Variants in ABCA13 observed in about 807,000 individuals in gnomAD.
The protein encoded by ABCA13 is ATP-binding cassette sub-family A member 13.
Under a neutral mutation model 478.7 loss-of-function variants are expected in ABCA13, and 476 were observed. That is an observed-to-expected ratio of 0.99 (90% CI 0.92 to 1.07). The LOEUF (loss-of-function observed/expected upper bound fraction) is 1.07. ABCA13 is among the 50% of genes least tolerant of loss of function. The pLI is 0.00. For synonymous variants in ABCA13, 2,252 were observed against 2,158.9 expected (o/e 1.04, Z -1.20); for missense variants, 6,060 against 5,910.6 (o/e 1.03, Z -0.83).
intron 37 of ABCA13, among the ~76,000 whole-genome samples, chr7:48,389,585 C>A (rs1212249322): frequency 1.3e-5 from 2 of 152,202 alleles, no homozygotes; most frequent in Non-Finnish European, 2.9e-5. Context: ...GCTTGCATAT[C>A]TGTAGGAAGA....
At chr7:48,328,409 T>G (rs1175276454) in intron 27 of ABCA13, among the ~76,000 whole-genome samples, 1 of 152,202 alleles carries the variant, frequency 6.6e-6, no homozygotes, top group Non-Finnish European at 1.5e-5. Flanking sequence ...ATGGAACATT[T>G]TATCAAAACT....
chr7:48,642,338 G>T lies in ABCA13; in HGVS notation c.14838-950G>T, dbSNP rs886693347. Among the ~76,000 whole-genome samples the T allele has an allele frequency of 4.6e-5, 7 of 152,160 alleles. No homozygotes were observed. In the East Asian group the frequency reaches 1.3e-3, roughly 29 times the overall value. The stretch of plus-strand genomic sequence containing the variant: ...TGTTAGGGATCAGCCTCATTTAGGG[G>T]AAATTTACTTAAGTGTAACACATTT... On this transcript the variant is annotated intron_variant, in intron 59 of 61. Transcript: ENST00000435803.
intron 20 of ABCA13, among the ~76,000 whole-genome samples, chr7:48,294,281 T>C (rs1799014675): frequency 6.6e-6 from 1 of 152,142 alleles, no homozygotes; most frequent in Non-Finnish European, 1.5e-5. Context: ...TAATACAATA[T>C]TGGCAACTAT....
chr7:48,441,133 C>T (rs550226847), intron 42 of ABCA13, among the ~76,000 whole-genome samples: 1 of 152,294 alleles, frequency 6.6e-6, no homozygotes, highest in South Asian at 2.1e-4. Flanking sequence ...TCCTATAAAA[C>T]TCCACATGAG....
At chr7:48,562,000 T>C (rs1262518729) in intron 55 of ABCA13, among the ~76,000 whole-genome samples, 1 of 151,894 alleles carries the variant, frequency 6.6e-6, no homozygotes, top group Non-Finnish European at 1.5e-5. Context: ...ACAGGCCCCG[T>C]CTCATAAGCA....
chr7:48,461,289 C>T (rs1826216274), intron 43 of ABCA13, among the ~76,000 whole-genome samples: 1 of 152,050 alleles, frequency 6.6e-6, no homozygotes, highest in Admixed American at 6.6e-5. Context: ...GTTTCCCTTC[C>T]CTTGTCTGCA....
intron 42 of ABCA13, among the ~76,000 whole-genome samples, chr7:48,428,301 C>T (rs904409252): frequency 2.0e-5 from 3 of 152,154 alleles, no homozygotes; most frequent in Non-Finnish European, 4.4e-5. Context: ...TTCATGCGAC[C>T]TCTGTCCCTT....
At chr7:48,331,108 G>C (rs750099617) in intron 27 of ABCA13, among the ~76,000 whole-genome samples, 4 of 152,106 alleles carry the variant, frequency 2.6e-5, no homozygotes, top group Non-Finnish European at 4.4e-5. Flanking sequence ...AAAAAATAAT[G>C]AATACAACAG....
chr7:48,364,374 G>T (rs1811351634), intron 31 of ABCA13, among the ~76,000 whole-genome samples: 1 of 152,100 alleles, frequency 6.6e-6, no homozygotes, highest in Non-Finnish European at 1.5e-5. Context: ...TCAAATCAGG[G>T]TAATTGAGAT....
intron 55 of ABCA13, among the ~76,000 whole-genome samples, chr7:48,579,106 C>A (rs1030667755): frequency 6.6e-6 from 1 of 152,150 alleles, no homozygotes; most frequent in Non-Finnish European, 1.5e-5. Flanking sequence ...ATATCAAAAG[C>A]ATGATCCATA....
chr7:48,514,988 A>G (rs5025818), intron 51 of ABCA13, among the ~76,000 whole-genome samples: 57,487 of 151,966 alleles, frequency 0.38, 12,494 homozygotes, highest in Middle Eastern at 0.5. Flanking sequence ...CTTATGAACT[A>G]TGAGAATGTA....
chr7:48,328,257 G>T (rs1406006503), intron 27 of ABCA13, among the ~76,000 whole-genome samples: 2 of 152,144 alleles, frequency 1.3e-5, no homozygotes, highest in Non-Finnish European at 2.9e-5. Context: ...CCTTTAGGCA[G>T]GTCAAGGTCT....
chr7:48,438,658 T>C (rs528140357), intron 42 of ABCA13, among the ~76,000 whole-genome samples: 48 of 152,056 alleles, frequency 3.2e-4, no homozygotes, highest in African/African-American at 1.1e-3. Flanking sequence ...CTGAAACTTA[T>C]CAAAATTTTA....
At chr7:48,196,219 C>T (rs1014145990) in intron 2 of ABCA13, among the ~76,000 whole-genome samples, 9 of 152,146 alleles carry the variant, frequency 5.9e-5, no homozygotes, top group Admixed American at 1.3e-4. Flanking sequence ...TCCTTATCCT[C>T]GAAGTTTCCA....
intron 1 of ABCA13, among the ~76,000 whole-genome samples, chr7:48,182,255 G>A (rs1459171446): frequency 1.3e-5 from 2 of 152,142 alleles, no homozygotes; most frequent in Non-Finnish European, 2.9e-5. Flanking sequence ...ATACCCTAAC[G>A]ATTGGTGCTT....
Position 48,287,955 on chromosome 7 carries a change from G to A in ABCA13, c.8837-5G>A. The stretch of plus-strand genomic sequence containing the variant: ...AATTATTTCTCTGTGTGTTTCCTCT[G>A]GCAGAAAACCCTTCCTGGACCAAGG... On this transcript the variant is annotated splice_polypyrimidine_tract_variant and splice_region_variant and intron_variant, in intron 19 of 61. Coordinates refer to ENST00000435803, the MANE Select transcript of ABCA13 (RefSeq NM_152701.5). 6.2e-7 allele frequency: 1 copy of A among 1,610,962 alleles called. No individual in the cohort carries two copies. Among genetic ancestry groups the A allele is most frequent in the Non-Finnish European group, 8.5e-7 (1 of 1,177,258 alleles).
chr7:48,586,994 C>T (rs948811654), intron 56 of ABCA13, among the ~76,000 whole-genome samples, 160 bp from the exon 57 acceptor site: 1 of 152,104 alleles, frequency 6.6e-6, no homozygotes, highest in Non-Finnish European at 1.5e-5. Context: ...CAATTACTGC[C>T]TGTATGGTAA....
chr7:48,283,478 T>C (rs1352876649), intron 19 of ABCA13, among the ~76,000 whole-genome samples: 1 of 152,034 alleles, frequency 6.6e-6, no homozygotes, highest in Non-Finnish European at 1.5e-5. Flanking sequence ...ACTTGCGTAG[T>C]GAGGATGTGT....
intron 15 of ABCA13, among the ~76,000 whole-genome samples, chr7:48,255,735 T>C (rs113717839): frequency 0.014 from 2,165 of 152,290 alleles, 21 homozygotes; most frequent in Middle Eastern, 0.054. Flanking sequence ...CTGGATTCCA[T>C]GACTTTGCTA....
Sources: gnomAD v4.1 joint callset for allele counts (sites outside exome capture counted in the v4.1 genomes callset) on GRCh38, gnomAD v4.1.1 for gene constraint, MANE v1.5 for transcripts, NCBI Gene and HGNC (gene_info 2026-07-23, HGNC 2026-07-21) for gene names.